The following DENND1A variants were observed in gnomAD, a reference collection of about 807,000 sequenced individuals.
The protein encoded by DENND1A is DENN domain containing 1A.
Under a neutral mutation model 113.7 loss-of-function variants are expected in DENND1A, and 51 were observed. The observed-to-expected ratio is 0.45, with a 90% CI of 0.36 to 0.57. DENND1A has a LOEUF of 0.57. DENND1A is among the 20% of genes least tolerant of loss of function. The pLI is 0.00. For synonymous variants in DENND1A, 565 were observed against 570.8 expected, an observed-to-expected ratio of 0.99 and a Z score of 0.14; for missense variants, 1,258 against 1,395.9, an observed-to-expected ratio of 0.90 and a Z score of 1.57.
At chr9:123,730,523 C>G (rs992011062) in intron 5 of DENND1A, among the ~76,000 whole-genome samples, 1 of 152,094 alleles carries the variant, frequency 6.6e-6, no homozygotes, top group African/African-American at 2.4e-5. Context: ...CATCACTGGC[C>G]ATCAGAGAAA....
chr9:123,829,219 A>C (rs553485397), intron 2 of DENND1A, among the ~76,000 whole-genome samples: 2 of 152,318 alleles, frequency 1.3e-5, no homozygotes, highest in East Asian at 3.9e-4. Flanking sequence ...GATTCAGACT[A>C]ATGTCCCTAG....
intron 13 of DENND1A, among the ~76,000 whole-genome samples, chr9:123,490,007 C>G (rs975022673): frequency 6.6e-5 from 10 of 152,114 alleles, no homozygotes; most frequent in Non-Finnish European, 1.3e-4. Context: ...TCTCAGGAGA[C>G]TGGAACAATA....
At chr9:123,663,774 T>C (rs73665326) in intron 8 of DENND1A, among the ~76,000 whole-genome samples, 5,777 of 152,114 alleles carry the variant, frequency 0.038, 125 homozygotes, top group African/African-American at 0.064. Flanking sequence ...TCAGCGTACA[T>C]TGTTACAAGA....
At chr9:123,874,277 C>G (rs1847111082) in intron 2 of DENND1A, among the ~76,000 whole-genome samples, 1 of 148,332 alleles carries the variant, frequency 6.7e-6, no homozygotes, top group Admixed American at 6.7e-5. Flanking sequence ...ATAAATTATA[C>G]CATATTAAAA....
At chr9:123,782,201 G>C (rs1831425960) in intron 3 of DENND1A, among the ~76,000 whole-genome samples, 1 of 152,140 alleles carries the variant, frequency 6.6e-6, no homozygotes, top group African/African-American at 2.4e-5. Context: ...TTCTCAATTT[G>C]CCAGGGGTTT....
intron 5 of DENND1A, among the ~76,000 whole-genome samples, chr9:123,752,842 C>T (rs2070179252): frequency 1.3e-5 from 2 of 152,178 alleles, no homozygotes; most frequent in Non-Finnish European, 2.9e-5. Flanking sequence ...GCTCTCACAT[C>T]CCTGTGTTTA....
At chr9:123,866,425 C>T (rs1163093147) in intron 2 of DENND1A, among the ~76,000 whole-genome samples, 1 of 152,182 alleles carries the variant, frequency 6.6e-6, no homozygotes. Context: ...AGAATTAATT[C>T]TACATTTTCT....
chr9:123,382,980 A>G (rs950734767), intron 23 of DENND1A, among the ~76,000 whole-genome samples: 6 of 152,232 alleles, frequency 3.9e-5, no homozygotes, highest in Admixed American at 2.0e-4. Flanking sequence ...AGTGAGACTC[A>G]GGGCCTGGTA....
intron 13 of DENND1A, among the ~76,000 whole-genome samples, chr9:123,552,018 C>T (rs1003080840): frequency 4.0e-4 from 48 of 118,656 alleles, no homozygotes; most frequent in Admixed American, 3.0e-3. Context: ...AGAGCGAGAG[C>T]GAGAGAGAGA....
chr9:123,421,580 G>A (rs549143688), intron 19 of DENND1A, among the ~76,000 whole-genome samples: 9 of 152,156 alleles, frequency 5.9e-5, no homozygotes, highest in Non-Finnish European at 1.2e-4. Flanking sequence ...CACCAGGCCC[G>A]TGTCCCTACT....
intron 13 of DENND1A, among the ~76,000 whole-genome samples, chr9:123,502,585 C>A (rs2052585788): frequency 6.6e-6 from 1 of 151,918 alleles, no homozygotes; most frequent in Admixed American, 6.6e-5. Flanking sequence ...GATGTTAATC[C>A]CTTACTAGAT....
chr9:123,833,378 A>T (rs1840570536), intron 2 of DENND1A, among the ~76,000 whole-genome samples: 1 of 152,110 alleles, frequency 6.6e-6, no homozygotes, highest in Non-Finnish European at 1.5e-5. Flanking sequence ...AAAAACAAAA[A>T]CAAATAGCTG....
chr9:123,386,427 G>A (rs1301869808), intron 22 of DENND1A, among the ~76,000 whole-genome samples: 2 of 148,064 alleles, frequency 1.4e-5, no homozygotes, highest in African/African-American at 5.0e-5. Flanking sequence ...TGTCACCCAG[G>A]TTGGAGTACA....
intron 1 of DENND1A, among the ~76,000 whole-genome samples, chr9:123,929,234 TTCGCCAGA>T (rs1383180425): frequency 1.3e-5 from 2 of 152,204 alleles, no homozygotes; most frequent in African/African-American, 2.4e-5. Flanking sequence ...AGTGAGGGAA[TTCGCCAGA>T]TTGAGTTACA....
chr9:123,737,263 T>TAGC (rs1266300498), intron 5 of DENND1A, among the ~76,000 whole-genome samples: 1 of 152,186 alleles, frequency 6.6e-6, no homozygotes, highest in East Asian at 1.9e-4. Flanking sequence ...GGTGCAATCA[T>TAGC]AGCTCACTGC....
intron 7 of DENND1A, among the ~76,000 whole-genome samples, chr9:123,669,749 A>AT (rs144553116): frequency 0.024 from 3,630 of 152,236 alleles, 63 homozygotes; most frequent in South Asian, 0.058. Flanking sequence ...TTTAAAGCTC[A>AT]TTTTTTCATC....
chr9:123,457,328 G>A lies in DENND1A; in HGVS notation c.1186+20C>T, dbSNP rs116848161. 512 of 1,601,600 alleles carry A rather than the reference G, an allele frequency of 3.2e-4. 3 individuals are homozygous for A. The East Asian group carries it at 9.7e-3, about 30-fold the overall frequency. ...TGATAGCAGCCTGCAGCCCCGGAAGGAAAATGAGTTGCTTCTCACCAGCGT... is the reference window on the plus strand; with the variant it reads ...TGATAGCAGCCTGCAGCCCCGGAAGAAAAATGAGTTGCTTCTCACCAGCGT... On this transcript the variant is annotated intron_variant, in intron 15 of 23. Coordinates refer to ENST00000394215, the MANE Select transcript of DENND1A (RefSeq NM_001352964.2).
At chr9:123,476,854 C>G (rs1241657584) in intron 13 of DENND1A, among the ~76,000 whole-genome samples, 2 of 152,168 alleles carry the variant, frequency 1.3e-5, no homozygotes, top group Non-Finnish European at 2.9e-5. Context: ...TTCACATGGG[C>G]AGGATTTAAA....
rs531938508 is a variant in DENND1A, at chr9:123,677,795, G to T, written c.303-1006C>A. Among the ~76,000 whole-genome samples, 11 of 152,318 alleles carry T rather than the reference G, an allele frequency of 7.2e-5. No homozygotes were observed. The South Asian group carries it at 2.3e-3, about 32-fold the overall frequency. On this transcript the variant is annotated intron_variant, in intron 5 of 23. Coordinates refer to ENST00000394215, the MANE Select transcript of DENND1A (RefSeq NM_001352964.2). The stretch of plus-strand genomic sequence containing the variant: ...GCACATTGTACTTAATTGCTGCAAT[G>T]ATGTCCGTCACTCCAGGATCCAGTC...
Sources: gnomAD v4.1 joint callset for allele counts (sites outside exome capture counted in the v4.1 genomes callset) on GRCh38, gnomAD v4.1.1 for gene constraint, MANE v1.5 for transcripts, NCBI Gene and HGNC (gene_info 2026-07-23, HGNC 2026-07-21) for gene names.